Variants in HEMK2 observed in about 807,000 individuals in gnomAD.
HEMK2 encodes the protein HemK methyltransferase 2, ETF1 glutamine and histone H4 lysine.
At chr21:28,625,444 T>C in the HEMK2 span, among the ~76,000 whole-genome samples, 1 of 152,136 alleles carries the variant, frequency 6.6e-6, no homozygotes, top group Non-Finnish European at 1.5e-5. Context: ...AAAGAGATTA[T>C]TTTTGGTGGC....
At chr21:28,706,714 T>C in the HEMK2 span, among the ~76,000 whole-genome samples, 5 of 152,204 alleles carry the variant, frequency 3.3e-5, no homozygotes, top group African/African-American at 9.6e-5. Flanking sequence ...TTCAAGACTA[T>C]AAAATAAGCC....
chr21:28,777,735 C>T, the HEMK2 span, among the ~76,000 whole-genome samples: 1 of 152,098 alleles, frequency 6.6e-6, no homozygotes, highest in Non-Finnish European at 1.5e-5. Context: ...CATTCTTGTC[C>T]TCCAAAAGAT....
At chr21:28,879,080 C>CTTT in the HEMK2 span, among the ~76,000 whole-genome samples, 30 of 98,630 alleles carry the variant, frequency 3.0e-4, no homozygotes, top group East Asian at 1.1e-3. Flanking sequence ...TAGATTGTTT[C>CTTT]TTTTTTTTTT....
the HEMK2 span, among the ~76,000 whole-genome samples, chr21:28,846,493 A>T: frequency 6.6e-6 from 1 of 152,142 alleles, no homozygotes; most frequent in South Asian, 2.1e-4. Flanking sequence ...AGCCATTCTA[A>T]CTAGTATCTT....
At chr21:28,741,181 A>T in the HEMK2 span, among the ~76,000 whole-genome samples, 1 of 152,204 alleles carries the variant, frequency 6.6e-6, no homozygotes, top group Non-Finnish European at 1.5e-5. Context: ...AGATATGTCC[A>T]GGCCAACATC....
the HEMK2 span, among the ~76,000 whole-genome samples, chr21:28,753,318 C>CAA: frequency 1.3e-5 from 2 of 149,130 alleles, no homozygotes; most frequent in Admixed American, 6.7e-5. Flanking sequence ...GATTGCACCA[C>CAA]TGCACTCCAG....
At chr21:28,771,019 A>G in the HEMK2 span, among the ~76,000 whole-genome samples, 24 of 141,348 alleles carry the variant, frequency 1.7e-4, no homozygotes, top group African/African-American at 3.1e-4. Flanking sequence ...ACACACACAC[A>G]CGCGCAACTT....
chr21:28,620,229 C>CT, the HEMK2 span, among the ~76,000 whole-genome samples: 3 of 152,050 alleles, frequency 2.0e-5, no homozygotes, highest in Admixed American at 6.5e-5. Flanking sequence ...CTGAAATTTT[C>CT]TTTTTTTGTT....
the HEMK2 span, among the ~76,000 whole-genome samples, chr21:28,866,915 T>C: frequency 2.0e-5 from 3 of 152,082 alleles, no homozygotes; most frequent in African/African-American, 2.4e-5. Flanking sequence ...TAATGGCTAA[T>C]AAACATATGA....
chr21:28,802,457 G>A, the HEMK2 span, among the ~76,000 whole-genome samples: 1 of 152,226 alleles, frequency 6.6e-6, no homozygotes, highest in African/African-American at 2.4e-5. Context: ...GCCAGGTGTG[G>A]TGGCTCAGGC....
the HEMK2 span, among the ~76,000 whole-genome samples, chr21:28,711,198 A>C: frequency 6.6e-6 from 1 of 152,188 alleles, no homozygotes. Context: ...TTTCCTTTCC[A>C]AATACTATGT....
At chr21:28,816,453 T>A in the HEMK2 span, among the ~76,000 whole-genome samples, 11 of 152,302 alleles carry the variant, frequency 7.2e-5, no homozygotes, top group East Asian at 2.1e-3. Flanking sequence ...GAAGATCATT[T>A]GAAGCCAGAA....
chr21:28,813,116 A>C, the HEMK2 span, among the ~76,000 whole-genome samples: 1 of 152,196 alleles, frequency 6.6e-6, no homozygotes, highest in African/African-American at 2.4e-5. Flanking sequence ...ATCAGGCAAG[A>C]GAAAGAAATA....
At chr21:28,596,210 G>A in the HEMK2 span, among the ~76,000 whole-genome samples, 1 of 151,964 alleles carries the variant, frequency 6.6e-6, no homozygotes, top group Non-Finnish European at 1.5e-5. Flanking sequence ...GTAGAGACAG[G>A]GTTTCATGGT....
At chr21:28,808,394 G>A in the HEMK2 span, among the ~76,000 whole-genome samples, 1 of 139,800 alleles carries the variant, frequency 7.2e-6, no homozygotes, top group Admixed American at 7.3e-5. Context: ...TAATTCCTTT[G>A]TCAAATTCTA....
the HEMK2 span, among the ~76,000 whole-genome samples, chr21:28,842,857 G>A: frequency 6.6e-6 from 1 of 152,040 alleles, no homozygotes; most frequent in Admixed American, 6.6e-5. Flanking sequence ...TAGTTAGGAG[G>A]GTCCCTTTGC....
At chr21:28,655,130 T>C in the HEMK2 span, among the ~76,000 whole-genome samples, 1 of 152,090 alleles carries the variant, frequency 6.6e-6, no homozygotes, top group Non-Finnish European at 1.5e-5. Context: ...GAGCCTAATA[T>C]ACCTTTAAAA....
chr21:28,881,918 G>A, the HEMK2 span, among the ~76,000 whole-genome samples: 20 of 152,142 alleles, frequency 1.3e-4, no homozygotes, highest in Admixed American at 1.0e-3. Flanking sequence ...GATTAAAGGC[G>A]TGAGCCTTTG....
At chr21:28,588,506 AGATGAC>A in the HEMK2 span, among the ~76,000 whole-genome samples, 2 of 152,344 alleles carry the variant, frequency 1.3e-5, no homozygotes, top group Non-Finnish European at 2.9e-5. Context: ...GCCCAATCAG[AGATGAC>A]GATAAGCAAT....
Sources: gnomAD v4.1 joint callset for allele counts (sites outside exome capture counted in the v4.1 genomes callset) on GRCh38, gnomAD v4.1.1 for gene constraint, MANE v1.5 for transcripts, NCBI Gene and HGNC (gene_info 2026-07-23, HGNC 2026-07-21) for gene names.